Variants in MSRB1 observed in about 807,000 individuals in gnomAD.
The protein encoded by MSRB1 is methionine sulfoxide reductase B1, also known as methionine-R-sulfoxide reductase B1.
A neutral mutation model predicts 15.2 loss-of-function variants in MSRB1; 13 were observed. The ratio of observed to expected loss-of-function variants is 0.86; its 90% CI spans 0.56 to 1.36. The LOEUF (loss-of-function observed/expected upper bound fraction) is 1.36, where lower values mean the gene tolerates loss of function less well. Among genes scored for constraint, MSRB1 ranks in the 40% most tolerant of loss-of-function variants. The probability of loss-of-function intolerance (pLI) is 0.00; values close to 1 mark genes in which losing one functional copy is unlikely to be tolerated. For missense variants in MSRB1, 174 were observed against 155.9 expected (o/e 1.12, Z -0.62); for synonymous variants, 68 against 64.5 (o/e 1.05, Z -0.26).
At chr16:1,939,216 G>A (rs1302254555) in intron 3 of MSRB1, 73 bp from the exon 4 acceptor site, 2 of 1,520,756 alleles carry the variant, frequency 1.3e-6, no homozygotes, top group Non-Finnish European at 1.8e-6. Context: ...CGGGCGCGGG[G>A]GCGGTGGAAA....
At chr16:1,943,068 C>T in intron 1 of MSRB1, 34 bp downstream of exon 1, 1 of 1,549,992 alleles carries the variant, frequency 6.5e-7, no homozygotes, top group Non-Finnish European at 8.7e-7. Context: ...CCCCCCGCCG[C>T]GCTGCCCTCC....
At chr16:1,941,569 C>T (rs993740828) in intron 1 of MSRB1, 164 bp from the exon 2 acceptor site, 9 of 911,150 alleles carry the variant, frequency 9.9e-6, no homozygotes, top group African/African-American at 5.1e-5. Flanking sequence ...GCTGAGCTCA[C>T]GTTTAGTAGA....
At chr16:1,942,658 G>A (rs1330523207) in intron 1 of MSRB1, among the ~76,000 whole-genome samples, 1 of 152,260 alleles carries the variant, frequency 6.6e-6, no homozygotes, top group Non-Finnish European at 1.5e-5. Context: ...AAGGGCCAGG[G>A]TAACACCTGC....
At chr16:1,941,077 C>G (rs1291409302) in intron 2 of MSRB1, 180 bp downstream of exon 2, 13 of 1,551,094 alleles carry the variant, frequency 8.4e-6, no homozygotes, top group Non-Finnish European at 1.1e-5. Flanking sequence ...CCCACATTTG[C>G]ACCAGAAGGC....
chr16:1,938,925 G>A lies in MSRB1; in HGVS notation c.*187C>T. 1 of 799,718 alleles carries A rather than the reference G, an allele frequency of 1.3e-6. No individual in the cohort carries two copies. Among genetic ancestry groups the A allele is most frequent in the Non-Finnish European group, 2.0e-6 (1 of 490,214 alleles). 49.5% of individuals were successfully genotyped at this position (799,718 alleles called of 1,614,324 possible). On this transcript the variant is annotated 3_prime_UTR_variant, in exon 4 of 4. Transcript: ENST00000361871. ...TCCCAGCAGAAGGCATGAACCATCA[G>A]CAAATGAGTCTCTTTTCCAAGAAAC...
At chr16:1,941,193 G>A (rs1034056397) in intron 2 of MSRB1, 64 bp downstream of exon 2, 13 of 1,599,056 alleles carry the variant, frequency 8.1e-6, no homozygotes, top group Non-Finnish European at 9.4e-6. Context: ...AGGGAGGAAG[G>A]TGGGACTGGC....
intron 2 of MSRB1, 43 bp from the exon 3 acceptor site, chr16:1,940,935 T>C (rs773578369): frequency 6.2e-7 from 1 of 1,613,112 alleles, no homozygotes; most frequent in South Asian, 1.1e-5. Context: ...CTGGCCATGA[T>C]ACAGCCACAG....
chr16:1,940,870 T>C lies in MSRB1; in HGVS notation c.227A>G (p.Asn76Ser), dbSNP rs1376474717. Residue 76 changes from asparagine (N) to serine (S), a missense_variant, in exon 3 of 4, where the codon AAT becomes AGT. Transcript: ENST00000361871. ...GTTCAGGAACTCGTGGCCCAACCCATTGCCACACTTGCCACAGGACACCTG... is the reference window on the plus strand; with the variant it reads ...GTTCAGGAACTCGTGGCCCAACCCACTGCCACACTTGCCACAGGACACCTG... ...ALKVSCGKCG[N>S]GLGHEFLNDG... The C allele has an allele frequency of 3.7e-6, 6 of 1,614,004 alleles. No individual in the cohort carries two copies. Among genetic ancestry groups the C allele is most frequent in the East Asian group, 2.2e-5 (1 of 44,890 alleles).
chr16:1,940,950 G>A, intron 2 of MSRB1, 58 bp from the exon 3 acceptor site: 1 of 1,610,124 alleles, frequency 6.2e-7, no homozygotes, highest in East Asian at 2.2e-5. Flanking sequence ...CCACAGTGAA[G>A]GCCCTTACTG....
intron 3 of MSRB1, 123 bp from the exon 4 acceptor site, chr16:1,939,266 G>A: frequency 9.0e-7 from 1 of 1,110,020 alleles, no homozygotes; most frequent in Non-Finnish European, 1.3e-6. Context: ...GCAAGGCAGA[G>A]CTTCAGGTGC....
At chr16:1,939,585 C>T (rs953096846) in intron 3 of MSRB1, among the ~76,000 whole-genome samples, 2 of 152,202 alleles carry the variant, frequency 1.3e-5, no homozygotes, top group African/African-American at 4.8e-5. Context: ...GTAATCCCAG[C>T]ACCTTGGGAG....
intron 3 of MSRB1, among the ~76,000 whole-genome samples, chr16:1,939,449 G>A (rs1030049872): frequency 3.9e-5 from 6 of 152,232 alleles, no homozygotes; most frequent in Non-Finnish European, 8.8e-5. Flanking sequence ...ACAAAAGGAC[G>A]AAAACATCGC....
At chr16:1,939,648 A>G (rs1470607595) in intron 3 of MSRB1, among the ~76,000 whole-genome samples, 4 of 151,870 alleles carry the variant, frequency 2.6e-5, no homozygotes, top group Non-Finnish European at 5.9e-5. Context: ...TGAGACCCCC[A>G]TCTCTATAAA....
intron 3 of MSRB1, 55 bp from the exon 4 acceptor site, chr16:1,939,198 CGGAAAGCCGGGCGCGGGGGCGGT>C: frequency 6.4e-7 from 1 of 1,568,052 alleles, no homozygotes; most frequent in Non-Finnish European, 8.6e-7. Flanking sequence ...CAAGCAGGGG[CGGAAAGCCGGGCGCGGGGGCGGT>C]GGAAAGCCAG....
intron 2 of MSRB1, 75 bp from the exon 3 acceptor site, chr16:1,940,967 G>A (rs759909518): frequency 3.1e-6 from 5 of 1,600,670 alleles, no homozygotes; most frequent in Non-Finnish European, 4.3e-6. Flanking sequence ...ACTGGGGCTG[G>A]CAGATGGTGT....
At chr16:1,940,980 C>T in intron 2 of MSRB1, 88 bp from the exon 3 acceptor site, 1 of 1,588,900 alleles carries the variant, frequency 6.3e-7, no homozygotes, top group Admixed American at 1.8e-5. Context: ...GATGGTGTTT[C>T]TTCCCACACG....
At chr16:1,939,166 GA>G (rs2083058977) in intron 3 of MSRB1, 23 bp from the exon 4 acceptor site, 1 of 1,599,830 alleles carries the variant, frequency 6.3e-7, no homozygotes, top group African/African-American at 1.4e-5. Context: ...AGAGGGGGCG[GA>G]AAGTATGCGG....
chr16:1,941,227 C>A, intron 2 of MSRB1, 30 bp downstream of exon 2: 1 of 1,612,928 alleles, frequency 6.2e-7, no homozygotes, highest in East Asian at 2.2e-5. Context: ...TGGCCGCCCC[C>A]GTCCCTCCCC....
chr16:1,941,360 C>T lies in MSRB1; in HGVS notation c.101G>A (p.Arg34His), dbSNP rs375638329. The change falls in exon 2 of 4, where the codon CGC becomes CAC. Residue 34 changes from arginine (R) to histidine (H), a missense_variant. Physicochemically the swap from Arg to His is conservative, Grantham distance 29 (BLOSUM62 0). Transcript: ENST00000361871. ...TGGAGACGAGTGTGCATACTTCGAG[C>T]GGCTGGAGAACAGCTCATAGCCACA... ...AKCGYELFSS[R>H]SKYAHSSPWP... 30 of 1,613,642 alleles carry T rather than the reference C, an allele frequency of 1.9e-5. No homozygotes were observed. Among genetic ancestry groups the T allele is most frequent in the South Asian group, 1.5e-4 (14 of 91,054 alleles).
Sources: allele counts gnomAD v4.1 joint callset (sites outside exome capture counted in the v4.1 genomes callset), GRCh38; gene constraint gnomAD v4.1.1; transcripts MANE v1.5; gene names NCBI Gene and HGNC (gene_info 2026-07-23, HGNC 2026-07-21).